NUCB1: variants seen among roughly 807,000 people sequenced by gnomAD.
NUCB1 encodes nucleobindin-1.
Under a neutral mutation model 61.2 loss-of-function variants are expected in NUCB1, and 47 were observed. The observed-to-expected ratio is 0.77, with a 90% CI of 0.61 to 0.98. The LOEUF (loss-of-function observed/expected upper bound fraction) is 0.98, where lower values mean the gene tolerates loss of function less well. NUCB1 is among the 50% of genes least tolerant of loss of function. The pLI is 0.00. For synonymous variants in NUCB1, 234 were observed against 243.1 expected (o/e 0.96, Z 0.35); for missense variants, 583 against 605.3 (o/e 0.96, Z 0.39).
intron 2 of NUCB1, among the ~76,000 whole-genome samples, chr19:48,903,093 C>G (rs1229092266): frequency 6.6e-6 from 1 of 152,152 alleles, no homozygotes; most frequent in African/African-American, 2.4e-5. Context: ...CAGGCATGAG[C>G]TACCATGCCT....
chr19:48,904,869 T>A (rs942355655), intron 3 of NUCB1, among the ~76,000 whole-genome samples: 3 of 152,148 alleles, frequency 2.0e-5, no homozygotes, highest in African/African-American at 7.2e-5. Context: ...GTGCCTGTAT[T>A]TGAAAATCAC....
intron 10 of NUCB1, among the ~76,000 whole-genome samples, chr19:48,919,826 T>G (rs182332081): frequency 3.5e-5 from 5 of 142,430 alleles, no homozygotes; most frequent in African/African-American, 1.3e-4. Flanking sequence ...TGGAGCCCAG[T>G]GGTGGGATCT....
At chr19:48,902,360 C>T (rs1005584433) in intron 2 of NUCB1, among the ~76,000 whole-genome samples, 5 of 151,674 alleles carry the variant, frequency 3.3e-5, no homozygotes, top group African/African-American at 4.9e-5. Flanking sequence ...CTGCCTGCCT[C>T]GGCCTCCCAA....
chr19:48,918,854 C>A (rs1241607108), intron 8 of NUCB1, 70 bp downstream of exon 8: 9 of 1,437,020 alleles, frequency 6.3e-6, no homozygotes, highest in Non-Finnish European at 7.8e-6. Flanking sequence ...TCCTGCAGTC[C>A]CCTTAAATCC....
intron 7 of NUCB1, among the ~76,000 whole-genome samples, chr19:48,915,333 A>AAAAAC (rs61575801): frequency 0.8 from 116,470 of 145,008 alleles, 45,218 homozygotes; most frequent in South Asian, 0.87. Context: ...ACAAAAATTA[A>AAAAAC]AAAACAAAAC....
rs2037569877 is a variant in NUCB1 at position 48,918,770 on chromosome 19, C to G, written c.802C>G (p.Leu268Val). The change falls in exon 8 of 13, where the codon CTC (leucine) becomes GTC (valine). Residue 268 changes from leucine (L) to valine (V), a missense_variant. Physicochemically the swap from Leu to Val is conservative, Grantham distance 32 (BLOSUM62 1). Transcript: ENST00000405315. The stretch of plus-strand genomic sequence containing the variant: ...CCTGGATGAGCAGGAGCTGGAGGCA[C>G]TCTTCACCAAGGAGGTGAGCATCTT... Reference protein sequence around the residue: ...GVLDEQELEALFTKELEKVYD... With the variant: ...GVLDEQELEAVFTKELEKVYD... 6.2e-7 allele frequency: 1 copy of G among 1,614,042 alleles called. No homozygotes were observed. The highest frequency in any genetic ancestry group is 8.5e-7 in the Non-Finnish European group (1 of 1,179,936).
intron 4 of NUCB1, among the ~76,000 whole-genome samples, chr19:48,909,337 T>G (rs1330188590): frequency 6.6e-6 from 1 of 151,876 alleles, no homozygotes; most frequent in African/African-American, 2.4e-5. Context: ...AACCTCTGCC[T>G]CCCAGGTTCA....
intron 7 of NUCB1, among the ~76,000 whole-genome samples, chr19:48,916,714 G>A (rs1034121033): frequency 2.0e-5 from 3 of 151,974 alleles, no homozygotes; most frequent in South Asian, 2.1e-4. Flanking sequence ...TCAAGAGATC[G>A]AGACCATCCT....
chr19:48,919,341 C>A, intron 10 of NUCB1, 55 bp downstream of exon 10: 1 of 1,381,544 alleles, frequency 7.2e-7, no homozygotes, highest in Non-Finnish European at 1.0e-6. Flanking sequence ...CTAGCCATGA[C>A]CTTTCTTTCA....
intron 2 of NUCB1, among the ~76,000 whole-genome samples, chr19:48,903,670 A>G (rs1289051387): frequency 4.8e-5 from 4 of 83,542 alleles, no homozygotes; most frequent in East Asian, 4.0e-4. Context: ...GGGTGGGTGG[A>G]TGAGTGGATG....
intron 2 of NUCB1, among the ~76,000 whole-genome samples, chr19:48,903,083 C>T (rs1221276746): frequency 6.6e-6 from 1 of 152,094 alleles, no homozygotes; most frequent in Non-Finnish European, 1.5e-5. Flanking sequence ...ACTGGGATTA[C>T]AGGCATGAGC....
chr19:48,901,082 G>A (rs1326146164), intron 2 of NUCB1, 151 bp downstream of exon 2: 1 of 898,704 alleles, frequency 1.1e-6, no homozygotes, highest in Non-Finnish European at 1.8e-6. Context: ...CAGCAGCAGG[G>A]GTTTGACTTG....
intron 8 of NUCB1, 92 bp from the exon 9 acceptor site, chr19:48,918,938 G>A: frequency 7.2e-7 from 1 of 1,385,572 alleles, no homozygotes; most frequent in Non-Finnish European, 1.0e-6. Context: ...AGGAGTGGTA[G>A]CGTGCCCAAA....
intron 7 of NUCB1, among the ~76,000 whole-genome samples, chr19:48,918,063 G>T (rs1293455180): frequency 1.3e-5 from 2 of 152,118 alleles, no homozygotes; most frequent in Non-Finnish European, 1.5e-5. Context: ...TGAGCCCTGG[G>T]CCACACTAGC....
At chr19:48,905,521 C>T (rs1231315635) in intron 3 of NUCB1, among the ~76,000 whole-genome samples, 14 of 152,132 alleles carry the variant, frequency 9.2e-5, no homozygotes. Flanking sequence ...CGCACCTGGC[C>T]CCTAAACATG....
Position 48,910,973 on chromosome 19 carries a change from A to C in NUCB1, c.377-176A>C, listed in dbSNP as rs1296717248. On this transcript the variant is annotated intron_variant, in intron 4 of 12. Transcript: ENST00000405315. Reference sequence around the variant, plus strand: ...TTTTATTATGGTTATTATTGTAAGCATCAGACTCAGTCGTGGGATCACCTC... The same window carrying C: ...TTTTATTATGGTTATTATTGTAAGCCTCAGACTCAGTCGTGGGATCACCTC... The C allele has an allele frequency of 5.3e-6, 3 of 569,786 alleles. No homozygotes were observed. The South Asian group carries it at 6.1e-5, about 11-fold the overall frequency. 35.3% of individuals were successfully genotyped at this position (569,786 alleles called of 1,614,324 possible). A position where few individuals can be genotyped will look rare whatever the true frequency, so the allele number is the denominator to read the frequency against.
chr19:48,904,704 A>G (rs2037394054), intron 3 of NUCB1, among the ~76,000 whole-genome samples: 1 of 151,906 alleles, frequency 6.6e-6, no homozygotes, highest in Admixed American at 6.6e-5. Flanking sequence ...TTGTATTTTT[A>G]GTAGAGACGG....
At chr19:48,912,806 C>T (rs557695264) in intron 5 of NUCB1, among the ~76,000 whole-genome samples, 18 of 147,454 alleles carry the variant, frequency 1.2e-4, no homozygotes, top group East Asian at 5.9e-4. Flanking sequence ...ATTGTGCCAC[C>T]GCACTCCAGC....
At chr19:48,908,513 A>G (rs181227728) in intron 4 of NUCB1, among the ~76,000 whole-genome samples, 1 of 152,264 alleles carries the variant, frequency 6.6e-6, no homozygotes. Flanking sequence ...TAGCGGCTCA[A>G]CACACGTCCC....
Sources: allele counts gnomAD v4.1 joint callset (sites outside exome capture counted in the v4.1 genomes callset), GRCh38; gene constraint gnomAD v4.1.1; transcripts MANE v1.5; gene names NCBI Gene and HGNC (gene_info 2026-07-23, HGNC 2026-07-21).